The following C12orf42 variants were observed in gnomAD, a reference collection of about 807,000 sequenced individuals.
The protein encoded by C12orf42 is uncharacterized protein C12orf42.
A neutral mutation model predicts 21.6 loss-of-function variants in C12orf42; 25 were observed. The ratio of observed to expected loss-of-function variants is 1.16; its 90% CI spans 0.84 to 1.62. The LOEUF (loss-of-function observed/expected upper bound fraction) is 1.62. C12orf42 is among the 40% of genes most tolerant of loss of function. The pLI is 0.00. For synonymous variants in C12orf42, 174 were observed against 175.0 expected, an observed-to-expected ratio of 0.99 and a Z score of 0.05; for missense variants, 483 against 459.3, an observed-to-expected ratio of 1.05 and a Z score of -0.47.
intron 4 of C12orf42, among the ~76,000 whole-genome samples, chr12:103,313,530 C>G (rs111708149): frequency 3.9e-4 from 60 of 152,224 alleles, no homozygotes; most frequent in African/African-American, 1.4e-3. Flanking sequence ...TTACCTAGGC[C>G]CAGCTACTTA....
the C12orf42 span, among the ~76,000 whole-genome samples, chr12:103,188,727 T>C: frequency 6.6e-6 from 1 of 152,354 alleles, no homozygotes; most frequent in East Asian, 1.9e-4. Flanking sequence ...TGTCATATGA[T>C]ACTCTGGCTC....
chr12:103,491,975 A>G (rs1276429587), intron 1 of C12orf42, among the ~76,000 whole-genome samples: 1 of 148,966 alleles, frequency 6.7e-6, no homozygotes, highest in Non-Finnish European at 1.5e-5. Context: ...TTGTTTGTTT[A>G]AGATAGAGTC....
chr12:103,051,702 G>T, the C12orf42 span, among the ~76,000 whole-genome samples: 1 of 152,134 alleles, frequency 6.6e-6, no homozygotes, highest in Non-Finnish European at 1.5e-5. Flanking sequence ...TTTGGGGAGT[G>T]TAAGCCCTTG....
chr12:103,354,041 C>T (rs774319840), intron 4 of C12orf42, among the ~76,000 whole-genome samples: 19 of 152,160 alleles, frequency 1.2e-4, no homozygotes, highest in South Asian at 4.1e-4. Flanking sequence ...ATGAAGTATA[C>T]GTGTACAAAC....
the C12orf42 span, among the ~76,000 whole-genome samples, chr12:103,171,892 T>C: frequency 6.6e-6 from 1 of 152,052 alleles, no homozygotes. Flanking sequence ...CCAGTGTCAA[T>C]GGCACAGAAA....
chr12:103,121,741 T>C, the C12orf42 span, among the ~76,000 whole-genome samples: 1 of 152,246 alleles, frequency 6.6e-6, no homozygotes, highest in Non-Finnish European at 1.5e-5. Flanking sequence ...CCCAAGGGTT[T>C]GAAATTCTAT....
intron 4 of C12orf42, among the ~76,000 whole-genome samples, chr12:103,327,193 C>T (rs565199557): frequency 1.4e-4 from 22 of 152,206 alleles, no homozygotes; most frequent in African/African-American, 4.8e-4. Context: ...CCCTGTGCCT[C>T]GAGTTTCTCC....
the C12orf42 span, among the ~76,000 whole-genome samples, chr12:103,181,652 T>A: frequency 6.6e-6 from 1 of 152,264 alleles, no homozygotes; most frequent in East Asian, 1.9e-4. Flanking sequence ...TTATGTAAAC[T>A]GTGAAAGTAC....
Position 103,280,787 on chromosome 12 carries a change from C to T in C12orf42, n.338-3577G>A, listed in dbSNP as rs537712570. Among the ~76,000 whole-genome samples, 8 of 152,330 alleles carry T rather than the reference C, an allele frequency of 5.3e-5. No homozygotes were observed. In the South Asian group the frequency reaches 1.0e-3, roughly 20 times the overall value. ...AGGTTTTCCCACTTAGTCCACCACA[C>T]GAACCTATGGATTAGAGTTGTTCTC... On this transcript the variant is annotated intron_variant and non_coding_transcript_variant, in intron 4 of 6. Coordinates refer to the C12orf42 transcript ENST00000546526.
intron 2 of C12orf42, among the ~76,000 whole-genome samples, chr12:103,458,779 G>C (rs1034608098): frequency 6.6e-6 from 1 of 152,130 alleles, no homozygotes; most frequent in Non-Finnish European, 1.5e-5. Context: ...AACACTCATG[G>C]TCTATCACTG....
At chr12:103,371,303 TC>T (rs1376046514) in intron 3 of C12orf42, among the ~76,000 whole-genome samples, 3 of 152,140 alleles carry the variant, frequency 2.0e-5, no homozygotes, top group Non-Finnish European at 2.9e-5. Context: ...AGGAACTCTC[TC>T]TTTTCCATTA....
chr12:103,318,732 T>C (rs1285199536), intron 4 of C12orf42, among the ~76,000 whole-genome samples: 2 of 152,166 alleles, frequency 1.3e-5, no homozygotes, highest in East Asian at 3.8e-4. Context: ...AATAGTGACA[T>C]AGCCCTGGAG....
intron 4 of C12orf42, among the ~76,000 whole-genome samples, chr12:103,282,300 G>T (rs778720666): frequency 2.6e-5 from 4 of 152,212 alleles, no homozygotes; most frequent in Non-Finnish European, 5.9e-5. Flanking sequence ...TGAAATGGGA[G>T]AAATGCCAAG....
At chr12:103,306,494 G>T in intron 4 of C12orf42, 149 bp from the exon 5 acceptor site, 1 of 929,342 alleles carries the variant, frequency 1.1e-6, no homozygotes, top group Non-Finnish European at 1.6e-6. Flanking sequence ...TAGGGTAGCT[G>T]AGTAGGAGAA....
chr12:103,433,036 A>T (rs919683781), intron 2 of C12orf42, among the ~76,000 whole-genome samples: 2 of 152,220 alleles, frequency 1.3e-5, no homozygotes, highest in Non-Finnish European at 2.9e-5. Flanking sequence ...CCAGTGAAAT[A>T]TAAACTTGCT....
chr12:103,245,096 C>T (rs568277232), intron 10 of C12orf42, among the ~76,000 whole-genome samples: 3 of 152,120 alleles, frequency 2.0e-5, no homozygotes, highest in African/African-American at 7.2e-5. Context: ...TTTAAGTAAT[C>T]CCAGAGGATG....
chr12:103,448,777 A>T (rs374334163), intron 2 of C12orf42, among the ~76,000 whole-genome samples: 122 of 149,822 alleles, frequency 8.1e-4, no homozygotes, highest in Middle Eastern at 3.4e-3. Context: ...TGAAAAAATT[A>T]AAAAAAAAAT....
chr12:103,318,463 C>A (rs541479757), intron 4 of C12orf42, among the ~76,000 whole-genome samples: 1 of 152,268 alleles, frequency 6.6e-6, no homozygotes, highest in East Asian at 1.9e-4. Context: ...CTCCTATAAG[C>A]AGTGAATACA....
At chr12:103,378,270 T>C (rs545809995) in intron 3 of C12orf42, among the ~76,000 whole-genome samples, 2 of 151,770 alleles carry the variant, frequency 1.3e-5, no homozygotes, top group South Asian at 4.2e-4. Context: ...TTTGACCAGA[T>C]ACCCTCACTG....
Sources: allele counts gnomAD v4.1 joint callset (sites outside exome capture counted in the v4.1 genomes callset), GRCh38; gene constraint gnomAD v4.1.1; transcripts MANE v1.5; gene names NCBI Gene and HGNC (gene_info 2026-07-23, HGNC 2026-07-21).